Variants in TRMT9B observed in about 807,000 individuals in gnomAD.
The protein encoded by TRMT9B is tRNA methyltransferase 9B (putative), also known as probable tRNA methyltransferase 9B.
Under a neutral mutation model 11.5 loss-of-function variants are expected in TRMT9B, and 16 were observed. That is an observed-to-expected ratio of 1.39 (90% CI 0.94 to 2.11). TRMT9B has a LOEUF of 2.11. Ranked by LOEUF, TRMT9B falls within the 30% of genes most tolerant of loss-of-function variation. The pLI is 0.00. For synonymous variants in TRMT9B, 274 were observed against 192.4 expected (o/e 1.42, Z -3.51); for missense variants, 941 against 553.8 (o/e 1.70, Z -7.02).
intron 3 of TRMT9B, chr8:13,012,210 C>T (rs189266883): frequency 2.8e-5 from 28 of 985,058 alleles, no homozygotes; most frequent in African/African-American, 1.4e-4. Context: ...TGTAAGTATT[C>T]GCCGAAGGCT....
chr8:12,956,649 G>C (rs1801353959), intron 1 of TRMT9B, among the ~76,000 whole-genome samples: 1 of 152,106 alleles, frequency 6.6e-6, no homozygotes, highest in Non-Finnish European at 1.5e-5. Context: ...AGAAATAATA[G>C]CACCTGGCTT....
At chr8:12,982,061 A>C (rs1805484991) in intron 1 of TRMT9B, among the ~76,000 whole-genome samples, 1 of 152,186 alleles carries the variant, frequency 6.6e-6, no homozygotes, top group Non-Finnish European at 1.5e-5. Context: ...AGTAGGCTTT[A>C]CAATATCTGT....
chr8:12,982,007 G>A (rs143127620), intron 1 of TRMT9B, among the ~76,000 whole-genome samples: 128 of 152,098 alleles, frequency 8.4e-4, no homozygotes, highest in African/African-American at 2.9e-3. Context: ...ATTTTATGAG[G>A]GTAAAATTGT....
At chr8:12,980,957 A>C (rs1325658362) in intron 1 of TRMT9B, among the ~76,000 whole-genome samples, 1 of 152,160 alleles carries the variant, frequency 6.6e-6, no homozygotes, top group South Asian at 2.1e-4. Context: ...TGTTTCTTTG[A>C]TCACTGCAAG....
chr8:12,994,244 C>T lies in TRMT9B; in HGVS notation c.-2+3213C>T, dbSNP rs191631969. 2.4e-3 allele frequency among the ~76,000 whole-genome samples: 370 copies of T among 152,312 alleles called. 3 individuals carry two copies. The highest frequency in any genetic ancestry group is 8.3e-3 in the African/African-American group (346 of 41,556). On this transcript the variant is annotated intron_variant, in intron 2 of 4. Transcript: ENST00000524591. ...GTGTGCATGGTCTCAGGCTTGGGAA[C>T]GGATCAGGTATTCCCCAGAATCTTA...
chr8:12,948,597 A>T (rs1800380886), intron 1 of TRMT9B, among the ~76,000 whole-genome samples: 2 of 150,202 alleles, frequency 1.3e-5, no homozygotes, highest in Admixed American at 1.3e-4. Flanking sequence ...GCATGATATA[A>T]TAATAAAATG....
chr8:12,970,196 A>G (rs1803398106), intron 1 of TRMT9B: 1 of 152,236 alleles, frequency 6.6e-6, no homozygotes, highest in Non-Finnish European at 1.5e-5. Context: ...TATTTGAAAC[A>G]AAAAACAAAT....
At chr8:13,019,684 T>G (rs1372104512) in intron 4 of TRMT9B, among the ~76,000 whole-genome samples, 1 of 152,216 alleles carries the variant, frequency 6.6e-6, no homozygotes, top group Non-Finnish European at 1.5e-5. Flanking sequence ...CTATACCTCC[T>G]TAGCTTAGTA....
intron 4 of TRMT9B, among the ~76,000 whole-genome samples, chr8:13,014,170 A>C (rs1203647091): frequency 6.6e-6 from 1 of 152,190 alleles, no homozygotes; most frequent in Non-Finnish European, 1.5e-5. Flanking sequence ...ACTAGTAAGG[A>C]CTGGCAAGAG....
chr8:12,981,588 TTTTATTTA>T (rs1289874806), intron 1 of TRMT9B, among the ~76,000 whole-genome samples: 1 of 151,242 alleles, frequency 6.6e-6, no homozygotes, highest in Non-Finnish European at 1.5e-5. Context: ...CCTTTCTTTC[TTTTATTTA>T]TTTATTTATT....
Position 13,028,864 on chromosome 8 carries a change from G to T in TRMT9B, c.*6820G>T, listed in dbSNP as rs1815035879. ...AACTAGATTTTCTATTAATGTACAA[G>T]GAGGGACTCCACTACTAAAGTTTGT... On this transcript the variant is annotated 3_prime_UTR_variant, in exon 5 of 5. Transcript: ENST00000524591. 6.0e-6 allele frequency: 1 copy of T among 166,840 alleles called. No homozygotes were observed. Among genetic ancestry groups the T allele is most frequent in the Admixed American group, 6.6e-5 (1 of 15,254 alleles). 10.3% of individuals were successfully genotyped at this position (166,840 alleles called of 1,614,324 possible).
intron 1 of TRMT9B, chr8:12,962,010 T>A (rs1802185011): frequency 6.6e-6 from 1 of 152,280 alleles, no homozygotes; most frequent in Non-Finnish European, 1.5e-5. Context: ...CAGACACACC[T>A]GAAACCACAG....
chr8:13,022,115 G>C lies in TRMT9B; in HGVS notation c.*71G>C, dbSNP rs189258100. On this transcript the variant is annotated 3_prime_UTR_variant, in exon 5 of 5. Transcript: ENST00000524591. ...TCCTCTTGGTTTGATATGGTTACCTGAATTTGCATTCAGTGTTATTTGTTA... is the reference window on the plus strand; with the variant it reads ...TCCTCTTGGTTTGATATGGTTACCTCAATTTGCATTCAGTGTTATTTGTTA... 1 of 1,078,538 alleles carries C rather than the reference G, an allele frequency of 9.3e-7. No individual in the cohort carries two copies. Among genetic ancestry groups the C allele is most frequent in the African/African-American group, 1.6e-5 (1 of 63,274 alleles). The allele number at this position is 1,078,538 out of a possible 1,614,324, so 66.8% of individuals were successfully genotyped here.
At chr8:13,002,245 C>G (rs1391632249) in intron 2 of TRMT9B, among the ~76,000 whole-genome samples, 2 of 152,042 alleles carry the variant, frequency 1.3e-5, no homozygotes, top group Non-Finnish European at 2.9e-5. Context: ...TGCAAGGAAC[C>G]CAGTTTATGT....
chr8:12,989,430 T>A (rs1320593432), intron 1 of TRMT9B, among the ~76,000 whole-genome samples: 1 of 152,192 alleles, frequency 6.6e-6, no homozygotes, highest in Non-Finnish European at 1.5e-5. Flanking sequence ...AAATCAGTCA[T>A]ATTTGTAGGT....
intron 2 of TRMT9B, among the ~76,000 whole-genome samples, chr8:13,005,051 A>G (rs1185783922): frequency 1.3e-5 from 2 of 149,958 alleles, no homozygotes; most frequent in African/African-American, 5.0e-5. Context: ...ATGCCACTGC[A>G]CTCCAGCCTG....
chr8:12,979,199 A>G (rs1281265735), intron 1 of TRMT9B, among the ~76,000 whole-genome samples: 4 of 152,208 alleles, frequency 2.6e-5, no homozygotes, highest in Non-Finnish European at 1.5e-5. Flanking sequence ...TGCTGCATCC[A>G]AAAATTCTCA....
intron 1 of TRMT9B, among the ~76,000 whole-genome samples, chr8:12,972,591 TC>T (rs932386816): frequency 6.6e-6 from 1 of 152,100 alleles, no homozygotes; most frequent in African/African-American, 2.4e-5. Context: ...CCCTATGGTG[TC>T]CCCTTGTCAG....
chr8:12,966,932 T>A (rs999447231), intron 1 of TRMT9B, among the ~76,000 whole-genome samples: 1 of 152,166 alleles, frequency 6.6e-6, no homozygotes, highest in African/African-American at 2.4e-5. Flanking sequence ...TTCCTTTCCA[T>A]GTTTACATTA....
Sources: gnomAD v4.1 joint callset for allele counts (sites outside exome capture counted in the v4.1 genomes callset) on GRCh38, gnomAD v4.1.1 for gene constraint, MANE v1.5 for transcripts, NCBI Gene and HGNC (gene_info 2026-07-23, HGNC 2026-07-21) for gene names.